Variants in FAM13A observed in about 807,000 individuals in gnomAD.
FAM13A encodes protein FAM13A.
Under a neutral mutation model 129.6 loss-of-function variants are expected in FAM13A, and 76 were observed. That is an observed-to-expected ratio of 0.59 (90% CI 0.49 to 0.71). The LOEUF (loss-of-function observed/expected upper bound fraction) is 0.71, where lower values mean the gene tolerates loss of function less well. Ranked by LOEUF, FAM13A falls within the 30% of genes least tolerant of loss-of-function variation. The pLI, the probability that FAM13A is intolerant of heterozygous loss-of-function variation, is 0.00. For missense variants in FAM13A, 1,108 were observed against 1,249.3 expected (o/e 0.89, Z 1.70); for synonymous variants, 443 against 449.9 (o/e 0.98, Z 0.20).
chr4:88,987,580 C>A (rs796648977), intron 4 of FAM13A, among the ~76,000 whole-genome samples: 9 of 152,114 alleles, frequency 5.9e-5, no homozygotes, highest in African/African-American at 2.2e-4. Context: ...TGAGGCTGGG[C>A]GCGGTGGCCC....
At chr4:88,925,600 G>A (rs1486398189) in intron 5 of FAM13A, among the ~76,000 whole-genome samples, 4 of 151,328 alleles carry the variant, frequency 2.6e-5, no homozygotes, top group Non-Finnish European at 4.4e-5. Context: ...GCTAAATGTC[G>A]AGTTAATGGG....
At chr4:88,739,160 C>A (rs756878381) in intron 19 of FAM13A, 35 bp from the exon 20 acceptor site, 1 of 1,455,668 alleles carries the variant, frequency 6.9e-7, no homozygotes, top group Non-Finnish European at 9.7e-7. Flanking sequence ...GAGAAGCCTG[C>A]TGCTGGGAGT....
chr4:88,968,653 T>C (rs1759661949), intron 4 of FAM13A, among the ~76,000 whole-genome samples: 1 of 152,216 alleles, frequency 6.6e-6, no homozygotes, highest in African/African-American at 2.4e-5. Flanking sequence ...TTCTATTCCA[T>C]TAATCCCCTT....
chr4:89,056,522 G>T (rs367708060), intron 1 of FAM13A, among the ~76,000 whole-genome samples: 61 of 152,160 alleles, frequency 4.0e-4, no homozygotes, highest in African/African-American at 1.4e-3. Context: ...ATATAAAACA[G>T]AAAAATGTCA....
intron 11 of FAM13A, among the ~76,000 whole-genome samples, chr4:88,778,174 T>C (rs1191156155): frequency 6.6e-6 from 1 of 152,192 alleles, no homozygotes; most frequent in African/African-American, 2.4e-5. Flanking sequence ...CCCGAAACTC[T>C]AGGCCCAGAA....
At chr4:89,027,679 A>G (rs1768147007) in intron 2 of FAM13A, among the ~76,000 whole-genome samples, 1 of 152,168 alleles carries the variant, frequency 6.6e-6, no homozygotes, top group Non-Finnish European at 1.5e-5. Flanking sequence ...CCGAATTGCC[A>G]GCATTATTAT....
In FAM13A at chr4:88,984,885, T is replaced by C. The variant is rs546202057; in HGVS notation, c.605+6088A>G. Among the ~76,000 whole-genome samples the C allele has an allele frequency of 2.0e-5, 3 of 152,218 alleles. No homozygotes were observed. In the South Asian group the frequency reaches 6.2e-4, roughly 32 times the overall value. On this transcript the variant is annotated intron_variant, in intron 4 of 23. Transcript: ENST00000264344. ...GCCACTTCAGTAAACATTTTGGTAG[T>C]TCCTCAAAATTTTAAACAGTTACCA...
chr4:89,034,307 C>G (rs1403179489), intron 1 of FAM13A, among the ~76,000 whole-genome samples: 1 of 151,954 alleles, frequency 6.6e-6, no homozygotes, highest in East Asian at 1.9e-4. Context: ...TATAAGCAGC[C>G]AACAAACATG....
chr4:88,995,737 G>T (rs1338744996), intron 3 of FAM13A, among the ~76,000 whole-genome samples: 1 of 152,134 alleles, frequency 6.6e-6, no homozygotes, highest in African/African-American at 2.4e-5. Context: ...GATCATGTGA[G>T]CCAATACTCC....
chr4:88,875,891 C>G, intron 6 of FAM13A, among the ~76,000 whole-genome samples: 1 of 152,126 alleles, frequency 6.6e-6, no homozygotes, highest in Non-Finnish European at 1.5e-5. Context: ...GAAACCAACC[C>G]AAATGTCCAA....
At chr4:88,973,742 G>A (rs1258049099) in intron 4 of FAM13A, among the ~76,000 whole-genome samples, 1 of 152,126 alleles carries the variant, frequency 6.6e-6, no homozygotes, top group Non-Finnish European at 1.5e-5. Context: ...TGGGTAAAGG[G>A]AACTGCTGTA....
At chr4:89,001,782 T>C (rs150564209) in intron 3 of FAM13A, among the ~76,000 whole-genome samples, 1 of 152,000 alleles carries the variant, frequency 6.6e-6, no homozygotes, top group African/African-American at 2.4e-5. Flanking sequence ...ATCTAGTGAG[T>C]TCCTCATATA....
At chr4:88,771,751 C>G (rs991102812) in intron 11 of FAM13A, among the ~76,000 whole-genome samples, 3 of 152,054 alleles carry the variant, frequency 2.0e-5, no homozygotes, top group African/African-American at 7.2e-5. Context: ...CCAGATAAAG[C>G]CTAGTTTATA....
intron 6 of FAM13A, among the ~76,000 whole-genome samples, chr4:88,868,881 A>G (rs1740891885): frequency 6.6e-6 from 1 of 152,196 alleles, no homozygotes; most frequent in Admixed American, 6.5e-5. Flanking sequence ...TCATTTATGC[A>G]CCAAATTCCA....
chr4:88,943,805 G>A (rs1055643665), intron 4 of FAM13A, among the ~76,000 whole-genome samples: 1 of 152,132 alleles, frequency 6.6e-6, no homozygotes, highest in African/African-American at 2.4e-5. Context: ...TAAATGAACT[G>A]ATGAAGAAGA....
chr4:88,799,087 G>A (rs922168012), intron 8 of FAM13A, among the ~76,000 whole-genome samples: 3 of 151,866 alleles, frequency 2.0e-5, no homozygotes, highest in Admixed American at 1.3e-4. Context: ...ATCTTACTAC[G>A]CAAAAAATAA....
chr4:88,954,017 A>G (rs1442390686), intron 4 of FAM13A, among the ~76,000 whole-genome samples: 1 of 152,220 alleles, frequency 6.6e-6, no homozygotes, highest in Non-Finnish European at 1.5e-5. Flanking sequence ...AATGAGCCAA[A>G]GTGTTTGGAA....
chr4:88,915,869 T>TG (rs1014166821), intron 5 of FAM13A, among the ~76,000 whole-genome samples: 1 of 152,170 alleles, frequency 6.6e-6, no homozygotes, highest in African/African-American at 2.4e-5. Flanking sequence ...GCAGGATTAA[T>TG]GGCTTTTGCG....
chr4:88,915,622 T>C (rs1371939835), intron 5 of FAM13A, among the ~76,000 whole-genome samples: 1 of 152,128 alleles, frequency 6.6e-6, no homozygotes, highest in African/African-American at 2.4e-5. Flanking sequence ...TAAAGAAACT[T>C]AATGAAAATG....
Sources: gnomAD v4.1 joint callset for allele counts (sites outside exome capture counted in the v4.1 genomes callset) on GRCh38, gnomAD v4.1.1 for gene constraint, MANE v1.5 for transcripts, NCBI Gene and HGNC (gene_info 2026-07-23, HGNC 2026-07-21) for gene names.